The following NPAS3 variants were observed in gnomAD, a reference collection of about 807,000 sequenced individuals.
NPAS3 encodes the protein neuronal PAS domain protein 3.
In NPAS3, 14 loss-of-function variants were observed where a neutral mutation model predicts 73.1. The observed-to-expected ratio is 0.19, with a 90% CI of 0.13 to 0.30. The LOEUF (loss-of-function observed/expected upper bound fraction) is 0.30. Among genes scored for constraint, NPAS3 ranks in the 10% least tolerant of loss-of-function variants. The probability of loss-of-function intolerance (pLI) is 1.00; values close to 1 mark genes in which losing one functional copy is unlikely to be tolerated. For missense variants in NPAS3, 1,096 were observed against 1,250.0 expected (o/e 0.88, Z 1.86); for synonymous variants, 620 against 541.5 (o/e 1.14, Z -2.01).
In NPAS3 at chr14:33,203,379, A is replaced by C. The variant is rs61012304; in HGVS notation, c.141-11803A>C. On this transcript the variant is annotated intron_variant, in intron 2 of 11. Transcript: ENST00000356141. Reference sequence around the variant, plus strand: ...TTAAGTTTTAGGGTATATGTGCACAATGTGCCAGTTAGTTATGTATGTATA... The same window carrying C: ...TTAAGTTTTAGGGTATATGTGCACACTGTGCCAGTTAGTTATGTATGTATA... Among the ~76,000 whole-genome samples the C allele has an allele frequency of 1.8e-3, 275 of 152,064 alleles. 1 individual carries two copies. The highest frequency in any genetic ancestry group is 6.5e-3 in the African/African-American group (268 of 41,474).
chr14:33,210,105 A>G (rs2046974866), intron 2 of NPAS3, among the ~76,000 whole-genome samples: 1 of 152,198 alleles, frequency 6.6e-6, no homozygotes, highest in African/African-American at 2.4e-5. Context: ...TATTTCCATA[A>G]TCATTATAAC....
intron 5 of NPAS3, among the ~76,000 whole-genome samples, chr14:33,569,769 G>A (rs1404745258): frequency 6.6e-6 from 1 of 152,038 alleles, no homozygotes; most frequent in Non-Finnish European, 1.5e-5. Flanking sequence ...CTTCTTTCTG[G>A]CTAAAGTCCC....
At chr14:33,423,775 T>C (rs1469015841) in intron 4 of NPAS3, among the ~76,000 whole-genome samples, 3 of 151,894 alleles carry the variant, frequency 2.0e-5, no homozygotes, top group African/African-American at 7.3e-5. Flanking sequence ...AAGGGTACTA[T>C]GGAAGTTTAT....
chr14:33,218,103 G>C (rs906528408), intron 3 of NPAS3, among the ~76,000 whole-genome samples: 12 of 152,100 alleles, frequency 7.9e-5, no homozygotes, highest in African/African-American at 2.9e-4. Flanking sequence ...GCAGTTTCTG[G>C]AATGGCATGG....
At chr14:33,588,292 A>G (rs2056939240) in intron 5 of NPAS3, among the ~76,000 whole-genome samples, 2 of 152,262 alleles carry the variant, frequency 1.3e-5, no homozygotes, top group South Asian at 4.1e-4. Context: ...TATTGTCTCC[A>G]AGACCAAACT....
intron 1 of NPAS3, among the ~76,000 whole-genome samples, chr14:32,952,144 A>C (rs577303733): frequency 2.6e-5 from 4 of 152,090 alleles, no homozygotes; most frequent in Non-Finnish European, 5.9e-5. Context: ...TTTCATCCCT[A>C]TAACTATGTA....
chr14:33,726,246 G>C (rs1483797376), intron 6 of NPAS3, among the ~76,000 whole-genome samples: 1 of 152,118 alleles, frequency 6.6e-6, no homozygotes, highest in Non-Finnish European at 1.5e-5. Flanking sequence ...GCCAATACCA[G>C]TGGGTACATC....
chr14:32,940,737 A>G (rs1032977479), intron 1 of NPAS3, among the ~76,000 whole-genome samples: 3 of 152,260 alleles, frequency 2.0e-5, no homozygotes, highest in African/African-American at 7.2e-5. Flanking sequence ...AGCTTACATC[A>G]GAAGACGATA....
At chr14:32,964,162 A>AG (rs1351506988) in intron 1 of NPAS3, among the ~76,000 whole-genome samples, 1 of 116,544 alleles carries the variant, frequency 8.6e-6, no homozygotes, top group African/African-American at 2.9e-5. Flanking sequence ...TGCTGCACTA[A>AG]AAAAAAAAAA....
At position 33,800,890 on chromosome 14, in the gene NPAS3, T is replaced by C; in HGVS notation, c.2583T>C (p.Phe861=). The C allele has an allele frequency of 6.2e-7, 1 of 1,607,546 alleles. No homozygotes were observed. Among genetic ancestry groups the C allele is most frequent in the Non-Finnish European group, 8.5e-7 (1 of 1,177,490 alleles). ...TCGTGGACGTTAACAGCCCCGGCTT[T>C]GGCCTCGACCCCAAGACGCCCATGG... is the stretch of plus-strand genomic sequence containing the variant. Residue 861 remains phenylalanine, a synonymous_variant, in exon 12 of 12, where the codon TTT becomes TTC. Coordinates refer to ENST00000356141, the Ensembl canonical transcript of NPAS3. The surrounding 1 kb of genome is among the most constrained non-coding windows in gnomAD (Gnocchi z 6.5).
intron 7 of NPAS3, among the ~76,000 whole-genome samples, chr14:33,747,066 G>A (rs2061828289): frequency 6.6e-6 from 1 of 152,040 alleles, no homozygotes. Context: ...AATACCATTT[G>A]ACCCAGCCAT....
intron 6 of NPAS3, among the ~76,000 whole-genome samples, chr14:33,720,778 A>C (rs932919301): frequency 3.3e-5 from 5 of 152,284 alleles, no homozygotes; most frequent in African/African-American, 9.6e-5. Context: ...CCCTTTAAAT[A>C]GTTCATAATA....
At chr14:33,146,607 AAAC>A (rs1471611887) in intron 2 of NPAS3, among the ~76,000 whole-genome samples, 2 of 152,216 alleles carry the variant, frequency 1.3e-5, no homozygotes, top group African/African-American at 4.8e-5. Context: ...CAGAAGAGGA[AAAC>A]AACAACAGTA....
intron 6 of NPAS3, among the ~76,000 whole-genome samples, chr14:33,716,967 T>C (rs1435443182): frequency 6.6e-6 from 1 of 152,106 alleles, no homozygotes. Flanking sequence ...TTCATTTAAA[T>C]GTGTTATAAA....
intron 1 of NPAS3, among the ~76,000 whole-genome samples, chr14:32,997,607 CTT>C (rs1429383582): frequency 4.6e-5 from 7 of 152,088 alleles, no homozygotes; most frequent in Non-Finnish European, 1.5e-5. Flanking sequence ...CAAGCTCTCT[CTT>C]TTCCTGCTGC....
chr14:33,058,691 T>TA (rs1000052240), intron 2 of NPAS3, among the ~76,000 whole-genome samples: 29 of 152,352 alleles, frequency 1.9e-4, no homozygotes, highest in Admixed American at 1.6e-3. Flanking sequence ...GAATGTGTCT[T>TA]ATTTTGTGAG....
chr14:33,464,196 G>A (rs1014526407), intron 4 of NPAS3, among the ~76,000 whole-genome samples: 15 of 152,144 alleles, frequency 9.9e-5, no homozygotes, highest in Non-Finnish European at 2.1e-4. Context: ...TTGGACTCTG[G>A]AGTCCCCTGG....
chr14:33,548,057 G>A (rs1450569419), intron 4 of NPAS3, among the ~76,000 whole-genome samples: 1 of 152,156 alleles, frequency 6.6e-6, no homozygotes, highest in Non-Finnish European at 1.5e-5. Flanking sequence ...AGGGCCAAGT[G>A]AAAAAATAAT....
At chr14:33,579,062 C>A (rs1298379724) in intron 5 of NPAS3, among the ~76,000 whole-genome samples, 1 of 152,150 alleles carries the variant, frequency 6.6e-6, no homozygotes, top group African/African-American at 2.4e-5. Flanking sequence ...CAATATTAAG[C>A]CCTCATACAT....
Sources: allele counts gnomAD v4.1 joint callset (sites outside exome capture counted in the v4.1 genomes callset), GRCh38; gene constraint gnomAD v4.1.1; non-coding constraint Gnocchi (gnomAD v3.1); transcripts MANE v1.5; gene names NCBI Gene and HGNC (gene_info 2026-07-23, HGNC 2026-07-21).